Variants in EPS15L1 observed in about 807,000 individuals in gnomAD.
The protein encoded by EPS15L1 is epidermal growth factor receptor substrate 15-like 1.
A neutral mutation model predicts 117.1 loss-of-function variants in EPS15L1; 43 were observed. The ratio of observed to expected loss-of-function variants is 0.37; its 90% confidence interval spans 0.29 to 0.47. EPS15L1 has a LOEUF of 0.47. Ranked by LOEUF, EPS15L1 falls within the 20% of genes least tolerant of loss-of-function variation. The pLI, the probability that EPS15L1 is intolerant of heterozygous loss-of-function variation, is 0.99. For synonymous variants in EPS15L1, 459 were observed against 470.5 expected (o/e 0.98, Z 0.32); for missense variants, 981 against 1,164.0 (o/e 0.84, Z 2.29).
chr19:16,425,425 A>G (rs181207375), intron 8 of EPS15L1, 109 bp from the exon 9 acceptor site: 18 of 747,668 alleles, frequency 2.4e-5, no homozygotes, highest in Admixed American at 8.9e-5. Context: ...ACACTCTGTC[A>G]GGACGCTCCC....
At chr19:16,401,530 C>T (rs1445393407) in intron 16 of EPS15L1, 3 of 985,512 alleles carry the variant, frequency 3.0e-6, no homozygotes, top group Admixed American at 6.2e-5. Context: ...CAGACATGCG[C>T]GGCCCGGCCC....
intron 1 of EPS15L1, among the ~76,000 whole-genome samples, chr19:16,466,555 C>A (rs553922795): frequency 6.6e-6 from 1 of 152,064 alleles, no homozygotes; most frequent in Non-Finnish European, 1.5e-5. Context: ...AAGTGTCCAG[C>A]AAAAAGAAGA....
Position 16,355,650 on chromosome 19 carries a change from C to G in EPS15L1, c.*55G>C. The G allele has an allele frequency of 6.6e-7, 1 of 1,517,330 alleles. No individual in the cohort carries two copies. The highest frequency in any genetic ancestry group is 1.4e-5 in the African/African-American group (1 of 72,896). 94.0% of individuals were successfully genotyped at this position (1,517,330 alleles called of 1,614,324 possible). On this transcript the variant is annotated 3_prime_UTR_variant, in exon 24 of 24. Transcript: ENST00000455140. ...GTGTGTGTATATATAGACATCTGCA[C>G]TGCCCCCTCTCTGGAACCCGCCCGT... is the stretch of plus-strand genomic sequence containing the variant.
At chr19:16,390,407 C>T (rs545833738) in intron 19 of EPS15L1, among the ~76,000 whole-genome samples, 13 of 152,264 alleles carry the variant, frequency 8.5e-5, no homozygotes, top group Middle Eastern at 3.4e-3. Flanking sequence ...ATTCCACAAT[C>T]ATAGGAGAAT....
chr19:16,368,221 C>CTGTTGTGG (rs2092166348), intron 22 of EPS15L1, among the ~76,000 whole-genome samples: 1 of 152,200 alleles, frequency 6.6e-6, no homozygotes, highest in South Asian at 2.1e-4. Context: ...TGTGGACACA[C>CTGTTGTGG]ATACACAACC....
At chr19:16,408,426 C>T (rs1008521320) in intron 13 of EPS15L1, among the ~76,000 whole-genome samples, 1 of 150,884 alleles carries the variant, frequency 6.6e-6, no homozygotes, top group African/African-American at 2.5e-5. Flanking sequence ...GAGTTTGAGA[C>T]CAGCCTGGCT....
At chr19:16,386,094 G>A in intron 20 of EPS15L1, 77 bp downstream of exon 20, 2 of 1,122,584 alleles carry the variant, frequency 1.8e-6, no homozygotes, top group Admixed American at 1.8e-5. Flanking sequence ...GGCTTTGGGA[G>A]TGAAAGTGTT....
chr19:16,465,907 C>T (rs1054497736), intron 1 of EPS15L1, among the ~76,000 whole-genome samples: 4 of 151,642 alleles, frequency 2.6e-5, no homozygotes, highest in African/African-American at 9.7e-5. Flanking sequence ...GAACCTGTGT[C>T]AGAAAAGCCA....
chr19:16,409,566 T>C (rs1456205167), intron 13 of EPS15L1, among the ~76,000 whole-genome samples: 7 of 152,206 alleles, frequency 4.6e-5, no homozygotes, highest in Non-Finnish European at 7.3e-5. Flanking sequence ...GAGTGGACTC[T>C]CAGTGGATGC....
At chr19:16,449,745 C>T (rs1049388468) in intron 1 of EPS15L1, among the ~76,000 whole-genome samples, 1 of 152,132 alleles carries the variant, frequency 6.6e-6, no homozygotes, top group African/African-American at 2.4e-5. Flanking sequence ...TGGTAACACC[C>T]CGGATGTCCT....
At chr19:16,382,582 T>C (rs1415506222) in intron 21 of EPS15L1, among the ~76,000 whole-genome samples, 2 of 150,684 alleles carry the variant, frequency 1.3e-5, no homozygotes. Flanking sequence ...GAGAAGTTGC[T>C]AAAAATGGGC....
intron 16 of EPS15L1, among the ~76,000 whole-genome samples, chr19:16,396,615 A>T (rs753997562): frequency 6.6e-6 from 1 of 152,220 alleles, no homozygotes. Context: ...ATAAAAGTTC[A>T]TTAAAAAATC....
At chr19:16,453,710 C>A (rs1485651912) in intron 1 of EPS15L1, among the ~76,000 whole-genome samples, 1 of 150,770 alleles carries the variant, frequency 6.6e-6, no homozygotes, top group Non-Finnish European at 1.5e-5. Context: ...GAGACTCCAT[C>A]TCAAAAAAAA....
At chr19:16,452,724 A>G (rs1044951458) in intron 1 of EPS15L1, among the ~76,000 whole-genome samples, 10 of 151,950 alleles carry the variant, frequency 6.6e-5, no homozygotes, top group Non-Finnish European at 2.9e-5. Context: ...CAAAATATTG[A>G]TAACTGTTGT....
At chr19:16,393,873 A>C in intron 18 of EPS15L1, 78 bp downstream of exon 18, 2 of 1,409,732 alleles carry the variant, frequency 1.4e-6, no homozygotes, top group Non-Finnish European at 2.0e-6. Context: ...GTATGTGGAC[A>C]CAAGTCCCAC....
intron 1 of EPS15L1, among the ~76,000 whole-genome samples, chr19:16,470,564 T>C (rs76626935): frequency 0.048 from 6,672 of 138,814 alleles, 208 homozygotes; most frequent in Middle Eastern, 0.073. Context: ...ACACCTATTA[T>C]CGGTAGGACA....
rs1351475236 is a variant in EPS15L1 at position 16,442,194 on chromosome 19, T to G, written c.59A>C (p.Glu20Ala). The part of the protein sequence containing the change: ...QQIPTGNSLY[E>A]SYYKQVDPAY... ...TAAACTTACCTGCTTGTAATAAGAT[T>G]CATACAACGAATTTCCAGTGGGAAT... Residue 20 changes from glutamate to alanine, a missense_variant, in exon 2 of 24, where the codon GAA (glutamate) becomes GCA (alanine). Around this residue, in one of 5 missense-constraint regions of EPS15L1, gnomAD observed 62 missense variants for 104.2 expected, o/e 0.59. Transcript: ENST00000455140. The G allele has an allele frequency of 6.2e-7, 1 of 1,613,696 alleles. No homozygotes were observed. The highest frequency in any genetic ancestry group is 1.1e-5 in the South Asian group (1 of 91,078).
intron 5 of EPS15L1, among the ~76,000 whole-genome samples, chr19:16,437,265 CAT>C (rs1457930961): frequency 6.6e-6 from 1 of 152,206 alleles, no homozygotes; most frequent in East Asian, 1.9e-4. Context: ...AAATAACCCA[CAT>C]GTCCAGAGAG....
intron 2 of EPS15L1, 80 bp from the exon 3 acceptor site, chr19:16,442,061 T>C: frequency 6.8e-7 from 1 of 1,480,392 alleles, no homozygotes; most frequent in South Asian, 1.1e-5. Flanking sequence ...ACGCTAACTA[T>C]CCGCTGACAG....
Sources: gnomAD v4.1 joint callset for allele counts (sites outside exome capture counted in the v4.1 genomes callset) on GRCh38, gnomAD v4.1.1 for gene constraint, gnomAD v4.1.1 regional missense constraint, MANE v1.5 for transcripts, NCBI Gene and HGNC (gene_info 2026-07-23, HGNC 2026-07-21) for gene names.